INSL6: variants seen among roughly 807,000 people sequenced by gnomAD.
The protein encoded by INSL6 is insulin like 6, also known as insulin-like peptide INSL6.
A neutral mutation model predicts 9.4 loss-of-function variants in INSL6; 16 were observed. That is an observed-to-expected ratio of 1.70 (90% confidence interval 1.15 to 2.59). INSL6 has a LOEUF of 2.59. INSL6 is among the 30% of genes most tolerant of loss of function. The pLI is 0.00. For missense variants in INSL6, 391 were observed against 257.3 expected (o/e 1.52, Z -3.56); for synonymous variants, 154 against 96.9 (o/e 1.59, Z -3.46).
chr9:5,103,336 A>G, the INSL6 span, among the ~76,000 whole-genome samples: 1 of 146,740 alleles, frequency 6.8e-6, no homozygotes, highest in South Asian at 2.1e-4. Context: ...GCCATTACAT[A>G]ATGGTAAAAG....
At chr9:5,020,005 A>G in the INSL6 span, among the ~76,000 whole-genome samples, 2 of 152,094 alleles carry the variant, frequency 1.3e-5, no homozygotes, top group African/African-American at 4.8e-5. Flanking sequence ...AGGCAGTCCA[A>G]TTTTTGGGTC....
At chr9:5,078,248 T>G in the INSL6 span, 1 of 1,430,264 alleles carries the variant, frequency 7.0e-7, no homozygotes, top group South Asian at 1.3e-5. Context: ...TTGAACATAC[T>G]AAATGCTCCA....
the INSL6 span, chr9:5,112,345 C>T: frequency 3.0e-6 from 1 of 333,240 alleles, no homozygotes; most frequent in South Asian, 3.6e-5. Context: ...CTTGGCCTTC[C>T]GACTCCTGCA....
the INSL6 span, among the ~76,000 whole-genome samples, chr9:5,069,624 T>C: frequency 6.6e-6 from 1 of 152,046 alleles, no homozygotes; most frequent in Non-Finnish European, 1.5e-5. Flanking sequence ...TCCTGAAAAA[T>C]TGTATGAGTT....
At chr9:5,016,740 C>T in the INSL6 span, among the ~76,000 whole-genome samples, 6 of 152,130 alleles carry the variant, frequency 3.9e-5, no homozygotes, top group African/African-American at 1.4e-4. Flanking sequence ...GCCAGTTATT[C>T]TCCATGCCCT....
At chr9:5,150,549 G>T (rs1415860250) in intron 2 of INSL6, among the ~76,000 whole-genome samples, 1 of 152,072 alleles carries the variant, frequency 6.6e-6, no homozygotes, top group Non-Finnish European at 1.5e-5. Flanking sequence ...AGTCAGAATG[G>T]CCATTATTAA....
the INSL6 span, among the ~76,000 whole-genome samples, chr9:5,081,388 G>A: frequency 1.3e-5 from 2 of 151,764 alleles, no homozygotes; most frequent in African/African-American, 4.8e-5. Flanking sequence ...TCAAAATACT[G>A]AGCTGAAATG....
chr9:5,171,787 T>C (rs1024598862), intron 1 of INSL6, among the ~76,000 whole-genome samples: 5 of 152,044 alleles, frequency 3.3e-5, no homozygotes, highest in African/African-American at 1.2e-4. Context: ...GCGAGGAACA[T>C]GAAGGACCTC....
chr9:5,012,316 G>A, the INSL6 span, among the ~76,000 whole-genome samples: 2 of 152,160 alleles, frequency 1.3e-5, no homozygotes, highest in African/African-American at 2.4e-5. Flanking sequence ...ATATCCCCCC[G>A]ATTTGTATCT....
intron 1 of INSL6, among the ~76,000 whole-genome samples, chr9:5,183,298 T>C (rs1250538913): frequency 2.6e-5 from 4 of 152,246 alleles, no homozygotes; most frequent in Non-Finnish European, 5.9e-5. Flanking sequence ...TCAATACAAC[T>C]GTGGTTTTAC....
At chr9:5,060,711 T>C in the INSL6 span, among the ~76,000 whole-genome samples, 4 of 152,214 alleles carry the variant, frequency 2.6e-5, no homozygotes, top group Non-Finnish European at 4.4e-5. Context: ...AATCAACTTC[T>C]TCCAAATTCC....
the INSL6 span, among the ~76,000 whole-genome samples, chr9:5,057,731 G>A: frequency 7.1e-3 from 1,072 of 151,880 alleles, 10 homozygotes; most frequent in African/African-American, 0.025. Context: ...ACAGGTGCAC[G>A]CCACCATGCT....
At chr9:5,100,986 C>T in the INSL6 span, 9 of 152,262 alleles carry the variant, frequency 5.9e-5, no homozygotes, top group Admixed American at 1.3e-4. Context: ...TGGTGATTTC[C>T]GCATTTCCAA....
At chr9:5,177,667 G>T (rs1825342010) in intron 1 of INSL6, among the ~76,000 whole-genome samples, 1 of 152,192 alleles carries the variant, frequency 6.6e-6, no homozygotes, top group Non-Finnish European at 1.5e-5. Flanking sequence ...GACCTGATTT[G>T]GAATTCCAGC....
Position 5,185,390 on chromosome 9 carries a change from C to G in INSL6, c.213G>C (p.Lys71Asn), listed in dbSNP as rs753418629. The G allele has an allele frequency of 2.5e-6, 4 of 1,614,174 alleles. No individual in the cohort carries two copies. The highest frequency in any genetic ancestry group is 4.5e-5 in the East Asian group (2 of 44,870). Residue 71 changes from lysine to asparagine, a missense_variant, in exon 1 of 2, where the codon AAG becomes AAC. Transcript: ENST00000381641. ...ACTGGTATGGGCTGTAGGCTTCGAC[C>G]TTCTCCGAGGCCTGTGCAATCAACC... ...FSRLIAQASE[K>N]VEAYSPYQFE... is the part of the protein sequence containing the mutation.
the INSL6 span, among the ~76,000 whole-genome samples, chr9:5,107,507 T>G: frequency 6.6e-6 from 1 of 152,136 alleles, no homozygotes; most frequent in Non-Finnish European, 1.5e-5. Flanking sequence ...CTTATACTAG[T>G]TATCATTTTA....
At chr9:4,992,391 T>A in the INSL6 span, among the ~76,000 whole-genome samples, 6 of 152,118 alleles carry the variant, frequency 3.9e-5, no homozygotes. Context: ...GTTGTAAGGG[T>A]CAGAAGCCTG....
the INSL6 span, chr9:5,097,646 G>A: frequency 2.0e-5 from 3 of 152,156 alleles, no homozygotes; most frequent in Non-Finnish European, 2.9e-5. Flanking sequence ...ACACTGCGTG[G>A]TGGTAACATC....
intron 1 of INSL6, among the ~76,000 whole-genome samples, chr9:5,173,928 C>G (rs1825241155): frequency 2.6e-5 from 4 of 152,166 alleles, no homozygotes; most frequent in Non-Finnish European, 5.9e-5. Context: ...TTGATGCAAT[C>G]TGAAAAAGAA....
Sources: gnomAD v4.1 joint callset for allele counts (sites outside exome capture counted in the v4.1 genomes callset) on GRCh38, gnomAD v4.1.1 for gene constraint, MANE v1.5 for transcripts, NCBI Gene and HGNC (gene_info 2026-07-23, HGNC 2026-07-21) for gene names.